Variants in RBFOX1 observed in about 807,000 individuals in gnomAD.
RBFOX1 encodes RNA binding protein fox-1 homolog 1.
In RBFOX1, 8 loss-of-function variants were observed where a neutral mutation model predicts 57.7. That is an observed-to-expected ratio of 0.14 (90% confidence interval 0.08 to 0.25). RBFOX1 has a LOEUF of 0.25. Ranked by LOEUF, RBFOX1 falls within the 10% of genes least tolerant of loss-of-function variation. The probability of loss-of-function intolerance (pLI) is 1.00; values close to 1 mark genes in which losing one functional copy is unlikely to be tolerated. For synonymous variants in RBFOX1, 326 were observed against 222.4 expected, an observed-to-expected ratio of 1.47 and a Z score of -4.15; for missense variants, 611 against 548.5, an observed-to-expected ratio of 1.11 and a Z score of -1.14.
At chr16:5,431,226 A>G (rs1309898835) in intron 1 of RBFOX1, among the ~76,000 whole-genome samples, 1 of 152,230 alleles carries the variant, frequency 6.6e-6, no homozygotes, top group Non-Finnish European at 1.5e-5. Flanking sequence ...AATGCTGAAT[A>G]GCCTTTCGTA....
chr16:6,809,263 T>A (rs2087787364), intron 3 of RBFOX1, among the ~76,000 whole-genome samples: 1 of 152,198 alleles, frequency 6.6e-6, no homozygotes, highest in Non-Finnish European at 1.5e-5. Context: ...TTCTGAATCG[T>A]TCATTGCTCA....
intron 2 of RBFOX1, among the ~76,000 whole-genome samples, chr16:6,629,386 C>T (rs139059922): frequency 6.6e-6 from 1 of 152,154 alleles, no homozygotes; most frequent in Non-Finnish European, 1.5e-5. Context: ...CGACTTTTGG[C>T]CCTGAGAGTA....
At chr16:7,355,457 G>T (rs1020615304) in intron 4 of RBFOX1, among the ~76,000 whole-genome samples, 2 of 152,158 alleles carry the variant, frequency 1.3e-5, no homozygotes, top group Admixed American at 1.3e-4. Flanking sequence ...GATTTGGAGT[G>T]TGAGTCCGAA....
intron 3 of RBFOX1, among the ~76,000 whole-genome samples, chr16:6,826,690 G>C (rs890957547): frequency 6.6e-6 from 1 of 151,898 alleles, no homozygotes; most frequent in Non-Finnish European, 1.5e-5. Flanking sequence ...CAGGAGAGAG[G>C]ACTAACCCTA....
chr16:5,789,148 C>T (rs1420780038), intron 3 of RBFOX1, among the ~76,000 whole-genome samples: 2 of 152,226 alleles, frequency 1.3e-5, no homozygotes, highest in Non-Finnish European at 2.9e-5. Context: ...AAGGAGGATT[C>T]ATCAAAATCT....
intron 4 of RBFOX1, among the ~76,000 whole-genome samples, chr16:5,892,183 G>A (rs975739392): frequency 2.0e-5 from 3 of 152,236 alleles, no homozygotes; most frequent in Admixed American, 6.5e-5. Flanking sequence ...GCAGGACAGA[G>A]AGAGGGGCTG....
At chr16:6,217,562 C>T (rs1049948182) in intron 1 of RBFOX1, among the ~76,000 whole-genome samples, 1 of 152,202 alleles carries the variant, frequency 6.6e-6, no homozygotes, top group Non-Finnish European at 1.5e-5. Context: ...CAGAAGAAGA[C>T]TGTGCGCCTC....
chr16:5,701,722 C>G (rs1171541386), intron 3 of RBFOX1, among the ~76,000 whole-genome samples: 1 of 152,186 alleles, frequency 6.6e-6, no homozygotes, highest in Non-Finnish European at 1.5e-5. Context: ...GTGTGAGCCA[C>G]CACATCTGGC....
In RBFOX1 at chr16:6,097,554, A is replaced by G. The variant is rs951151180; in HGVS notation, c.-127+77562A>G. The stretch of plus-strand genomic sequence containing the variant: ...GAGTGCTTCTTCTGAATGTTAAAGT[A>G]TAAGAACCTCTGCTGCACAGGGAGA... On this transcript the variant is annotated intron_variant, in intron 1 of 15. Coordinates refer to ENST00000550418, the MANE Select transcript of RBFOX1 (RefSeq NM_018723.4). The surrounding 1 kb of genome is among the most constrained non-coding windows in gnomAD (Gnocchi z 5.0). Among the ~76,000 whole-genome samples, 2 of 152,216 alleles carry G rather than the reference A, an allele frequency of 1.3e-5. No individual in the cohort carries two copies. The highest frequency in any genetic ancestry group is 2.1e-4 in the South Asian group (1 of 4,828).
chr16:5,825,421 G>A (rs1400048968), intron 3 of RBFOX1, among the ~76,000 whole-genome samples: 1 of 152,170 alleles, frequency 6.6e-6, no homozygotes, highest in East Asian at 1.9e-4. Context: ...AGCACCAGGA[G>A]TCACCTACTA....
At chr16:7,467,317 C>T (rs1458970944) in intron 4 of RBFOX1, among the ~76,000 whole-genome samples, 1 of 152,078 alleles carries the variant, frequency 6.6e-6, no homozygotes, top group Non-Finnish European at 1.5e-5. Flanking sequence ...CAGGGGGTCT[C>T]ATACATACCA....
At chr16:7,271,503 T>C (rs752273478) in intron 4 of RBFOX1, among the ~76,000 whole-genome samples, 5 of 152,184 alleles carry the variant, frequency 3.3e-5, no homozygotes, top group Admixed American at 6.5e-5. Context: ...TGATCTTGTA[T>C]TAAATGTCTA....
chr16:7,646,380 T>C (rs964613872), intron 11 of RBFOX1, among the ~76,000 whole-genome samples: 1 of 152,216 alleles, frequency 6.6e-6, no homozygotes, highest in Non-Finnish European at 1.5e-5. Flanking sequence ...ATCAACCCGC[T>C]GTTGAAAGCA....
intron 1 of RBFOX1, among the ~76,000 whole-genome samples, chr16:5,369,174 G>T (rs545691985): frequency 6.6e-6 from 1 of 152,208 alleles, no homozygotes; most frequent in East Asian, 1.9e-4. Context: ...GCTAATTTTT[G>T]TATTTTTAGT....
At chr16:5,628,983 C>A (rs2048423447) in intron 3 of RBFOX1, among the ~76,000 whole-genome samples, 1 of 152,186 alleles carries the variant, frequency 6.6e-6, no homozygotes, top group Non-Finnish European at 1.5e-5. Flanking sequence ...ACAGAGTAAA[C>A]TGTGAGTGCG....
At chr16:5,917,980 C>G (rs890283705) in intron 4 of RBFOX1, among the ~76,000 whole-genome samples, 3 of 152,156 alleles carry the variant, frequency 2.0e-5, no homozygotes, top group African/African-American at 4.8e-5. Flanking sequence ...GTTATGCTCT[C>G]CCCACCTCTC....
chr16:7,089,301 A>G (rs536300127), intron 4 of RBFOX1, among the ~76,000 whole-genome samples: 18 of 152,212 alleles, frequency 1.2e-4, no homozygotes, highest in Non-Finnish European at 2.4e-4. Flanking sequence ...TGAACTTAAT[A>G]GAGAGTTCTA....
At chr16:6,791,884 C>G (rs1378054070) in intron 3 of RBFOX1, among the ~76,000 whole-genome samples, 1 of 152,124 alleles carries the variant, frequency 6.6e-6, no homozygotes, top group Non-Finnish European at 1.5e-5. Context: ...TGTTTAATAA[C>G]TTTATATGTG....
At chr16:6,168,168 C>G (rs1171941722) in intron 1 of RBFOX1, among the ~76,000 whole-genome samples, 2 of 152,154 alleles carry the variant, frequency 1.3e-5, no homozygotes, top group African/African-American at 4.8e-5. Flanking sequence ...CTTTCAAGAA[C>G]AGGCTCACAT....
Sources: gnomAD v4.1 joint callset for allele counts (sites outside exome capture counted in the v4.1 genomes callset) on GRCh38, gnomAD v4.1.1 for gene constraint, Gnocchi (gnomAD v3.1) non-coding constraint, MANE v1.5 for transcripts, NCBI Gene and HGNC (gene_info 2026-07-23, HGNC 2026-07-21) for gene names.